Variants in EYS observed in about 807,000 individuals in gnomAD.
EYS encodes EGF-like photoreceptor maintenance factor, also known as protein eyes shut homolog.
Under a neutral mutation model 282.1 loss-of-function variants are expected in EYS, and 250 were observed. The observed-to-expected ratio is 0.89, with a 90% CI of 0.80 to 0.98. The LOEUF is 0.98. Ranked by LOEUF, EYS falls within the 50% of genes least tolerant of loss-of-function variation. The pLI is 0.00. For synonymous variants in EYS, 1,355 were observed against 1,282.9 expected, an observed-to-expected ratio of 1.06 and a Z score of -1.20; for missense variants, 4,016 against 3,709.0, an observed-to-expected ratio of 1.08 and a Z score of -2.15.
chr6:65,034,840 G>T (rs1199121136), intron 13 of EYS, among the ~76,000 whole-genome samples: 1 of 151,854 alleles, frequency 6.6e-6, no homozygotes, highest in Non-Finnish European at 1.5e-5. Flanking sequence ...GAGGAGAAAG[G>T]ACCCCTTTCT....
chr6:64,758,986 A>G (rs908263781), intron 22 of EYS, among the ~76,000 whole-genome samples: 1 of 152,152 alleles, frequency 6.6e-6, no homozygotes, highest in Non-Finnish European at 1.5e-5. Context: ...AAAATACAAA[A>G]AAATTAACCA....
chr6:65,019,993 G>A (rs1772197769), intron 13 of EYS, among the ~76,000 whole-genome samples: 1 of 152,074 alleles, frequency 6.6e-6, no homozygotes, highest in African/African-American at 2.4e-5. Context: ...AGAACGGCAA[G>A]AGAGTAACCC....
intron 8 of EYS, among the ~76,000 whole-genome samples, chr6:65,375,172 G>T (rs1276744305): frequency 6.6e-6 from 1 of 152,174 alleles, no homozygotes; most frequent in Non-Finnish European, 1.5e-5. Flanking sequence ...CTGGGACGAA[G>T]CTTCCAGAGG....
chr6:65,363,878 C>A (rs1764810880), intron 8 of EYS, among the ~76,000 whole-genome samples: 1 of 151,438 alleles, frequency 6.6e-6, no homozygotes, highest in Non-Finnish European at 1.5e-5. Context: ...AATTTTACCC[C>A]ACTGATTTCA....
intron 31 of EYS, among the ~76,000 whole-genome samples, chr6:64,089,534 A>G (rs972650408): frequency 5.7e-5 from 8 of 140,916 alleles, no homozygotes; most frequent in Non-Finnish European, 1.1e-4. Context: ...GTATATATAA[A>G]TTATACTAAA....
intron 15 of EYS, among the ~76,000 whole-genome samples, chr6:64,938,492 T>A (rs1768984248): frequency 6.6e-6 from 1 of 151,656 alleles, no homozygotes; most frequent in Non-Finnish European, 1.5e-5. Context: ...ATACATAATT[T>A]ATATATAGAT....
At chr6:64,878,843 C>G (rs1766830235) in intron 19 of EYS, among the ~76,000 whole-genome samples, 4 of 151,874 alleles carry the variant, frequency 2.6e-5, no homozygotes, top group African/African-American at 7.3e-5. Context: ...TTCCTACTCA[C>G]CTCTTCAGCT....
At chr6:64,672,729 C>T (rs575641290) in intron 22 of EYS, among the ~76,000 whole-genome samples, 4 of 152,194 alleles carry the variant, frequency 2.6e-5, no homozygotes, top group East Asian at 3.9e-4. Context: ...ACTGCACAAT[C>T]GACAGAAGTT....
At chr6:63,896,127 G>A (rs1470681759) in intron 35 of EYS, among the ~76,000 whole-genome samples, 2 of 152,034 alleles carry the variant, frequency 1.3e-5, no homozygotes, top group Non-Finnish European at 2.9e-5. Context: ...AGTCTCCAAC[G>A]ATTTTTTAAA....
intron 11 of EYS, among the ~76,000 whole-genome samples, chr6:65,306,503 C>T (rs1263966295): frequency 3.3e-5 from 5 of 152,148 alleles, no homozygotes; most frequent in Non-Finnish European, 7.4e-5. Context: ...AATCAGCTTA[C>T]AGATTCCAGG....
At chr6:64,694,435 A>C (rs1770506352) in intron 22 of EYS, among the ~76,000 whole-genome samples, 1 of 152,194 alleles carries the variant, frequency 6.6e-6, no homozygotes, top group African/African-American at 2.4e-5. Context: ...TGGGCAACTC[A>C]GGCCACAGGG....
intron 29 of EYS, among the ~76,000 whole-genome samples, chr6:64,312,569 CT>C (rs1209622898): frequency 6.6e-6 from 1 of 152,206 alleles, no homozygotes; most frequent in African/African-American, 2.4e-5. Flanking sequence ...TCCCTGACAC[CT>C]GTGTATCCTG....
chr6:65,041,777 A>T (rs1225156252), intron 13 of EYS, among the ~76,000 whole-genome samples: 6 of 151,640 alleles, frequency 4.0e-5, no homozygotes, highest in Non-Finnish European at 7.4e-5. Flanking sequence ...ACATTGGCAC[A>T]AGCAACAGTG....
intron 31 of EYS, among the ~76,000 whole-genome samples, chr6:64,142,848 T>C (rs1036046657): frequency 7.2e-5 from 11 of 152,126 alleles, no homozygotes; most frequent in African/African-American, 2.2e-4. Context: ...ACAAGTTACA[T>C]TGAATATGGA....
chr6:64,790,289 G>A (rs149323793), intron 22 of EYS, among the ~76,000 whole-genome samples: 6 of 151,760 alleles, frequency 4.0e-5, no homozygotes, highest in Admixed American at 6.6e-5. Flanking sequence ...AAACATCAGC[G>A]GCATGCAATT....
At chr6:65,073,872 C>T (rs1206560106) in intron 12 of EYS, among the ~76,000 whole-genome samples, 2 of 151,814 alleles carry the variant, frequency 1.3e-5, no homozygotes, top group Admixed American at 1.3e-4. Context: ...AAAATGCGCA[C>T]AACTAAACAC....
At chr6:64,252,934 A>G (rs183087045) in intron 30 of EYS, among the ~76,000 whole-genome samples, 4 of 152,262 alleles carry the variant, frequency 2.6e-5, no homozygotes, top group South Asian at 2.1e-4. Flanking sequence ...TGTGCCCAAT[A>G]TATTCCCTTT....
chr6:63,834,276 C>A (rs1771736127), intron 36 of EYS, among the ~76,000 whole-genome samples: 1 of 152,022 alleles, frequency 6.6e-6, no homozygotes, highest in Non-Finnish European at 1.5e-5. Flanking sequence ...AACAGGCACC[C>A]TACAGAATGG....
intron 12 of EYS, among the ~76,000 whole-genome samples, chr6:65,213,159 G>C (rs1048008991): frequency 6.6e-6 from 1 of 152,030 alleles, no homozygotes; most frequent in African/African-American, 2.4e-5. Flanking sequence ...CAAAATATGT[G>C]ACATTACTTA....
Sources: allele counts gnomAD v4.1 joint callset (sites outside exome capture counted in the v4.1 genomes callset), GRCh38; gene constraint gnomAD v4.1.1; transcripts MANE v1.5; gene names NCBI Gene and HGNC (gene_info 2026-07-23, HGNC 2026-07-21).